DLG2: variants seen among roughly 807,000 people sequenced by gnomAD.
DLG2 encodes the protein discs large MAGUK scaffold protein 2.
Under a neutral mutation model 132.5 loss-of-function variants are expected in DLG2, and 45 were observed. The observed-to-expected ratio is 0.34, with a 90% CI of 0.27 to 0.44. The LOEUF (loss-of-function observed/expected upper bound fraction) is 0.44. Among genes scored for constraint, DLG2 ranks in the 20% least tolerant of loss-of-function variants. DLG2 has a pLI of 1.00. For synonymous variants in DLG2, 424 were observed against 419.6 expected (o/e 1.01, Z -0.13); for missense variants, 1,045 against 1,196.9 (o/e 0.87, Z 1.87).
chr11:85,213,241 T>C (rs2082362868), intron 4 of DLG2, among the ~76,000 whole-genome samples: 1 of 152,176 alleles, frequency 6.6e-6, no homozygotes, highest in African/African-American at 2.4e-5. Flanking sequence ...GAGTGATCAA[T>C]GGCCGCTGAC....
intron 4 of DLG2, among the ~76,000 whole-genome samples, chr11:85,167,267 C>A (rs1566959629): frequency 6.6e-6 from 1 of 152,090 alleles, no homozygotes; most frequent in Non-Finnish European, 1.5e-5. Flanking sequence ...CTGGAGTAAT[C>A]CAATTCTATT....
At chr11:83,889,349 T>A (rs1489466701) in intron 15 of DLG2, among the ~76,000 whole-genome samples, 1 of 151,936 alleles carries the variant, frequency 6.6e-6, no homozygotes, top group East Asian at 1.9e-4. Context: ...AAAAAACACA[T>A]GAAAAAATGC....
chr11:84,196,106 G>A (rs1373039900), intron 8 of DLG2, among the ~76,000 whole-genome samples: 1 of 152,166 alleles, frequency 6.6e-6, no homozygotes, highest in Non-Finnish European at 1.5e-5. Flanking sequence ...TTTATTTCCA[G>A]TAATTTTTAA....
At chr11:84,123,390 C>T (rs2094015330) in intron 9 of DLG2, among the ~76,000 whole-genome samples, 1 of 152,174 alleles carries the variant, frequency 6.6e-6, no homozygotes, top group Non-Finnish European at 1.5e-5. Flanking sequence ...CAAGTCAAAG[C>T]CAAGTCTATG....
intron 3 of DLG2, among the ~76,000 whole-genome samples, chr11:85,542,089 G>A (rs576944329): frequency 2.0e-5 from 3 of 151,866 alleles, no homozygotes; most frequent in East Asian, 1.9e-4. Flanking sequence ...ACCCACATTC[G>A]TGTGCCCACA....
rs1047321442 is a variant in DLG2, at chr11:84,997,956, G to C, written c.357+113705C>G. Among the ~76,000 whole-genome samples, 4 of 152,244 alleles carry C rather than the reference G, an allele frequency of 2.6e-5. No homozygotes were observed. The East Asian group carries it at 7.7e-4, about 29-fold the overall frequency. ...CCAGTTGCTGCTCTACCAGTCATGA[G>C]TTTAAAGACACCTGTGGGTTGGTAC... On this transcript the variant is annotated intron_variant, in intron 6 of 27. Coordinates refer to ENST00000376104, the MANE Select transcript of DLG2 (RefSeq NM_001142699.3).
intron 5 of DLG2, among the ~76,000 whole-genome samples, chr11:85,131,295 TA>T (rs2152408579): frequency 6.6e-6 from 1 of 152,268 alleles, no homozygotes; most frequent in South Asian, 2.1e-4. Flanking sequence ...TAACTTTTGA[TA>T]ACTTATTTTT....
At chr11:84,284,740 T>TACTG (rs2097891029) in intron 7 of DLG2, among the ~76,000 whole-genome samples, 1 of 152,192 alleles carries the variant, frequency 6.6e-6, no homozygotes, top group Non-Finnish European at 1.5e-5. Flanking sequence ...TGGACTTTCT[T>TACTG]GACAGAAGGA....
intron 18 of DLG2, among the ~76,000 whole-genome samples, chr11:83,735,043 G>A (rs1415271064): frequency 6.6e-6 from 1 of 152,044 alleles, no homozygotes; most frequent in Non-Finnish European, 1.5e-5. Flanking sequence ...AAACTGTATT[G>A]ACATAAGTGG....
intron 10 of DLG2, among the ~76,000 whole-genome samples, chr11:84,090,583 C>T (rs181574338): frequency 1.4e-4 from 22 of 152,236 alleles, no homozygotes; most frequent in Admixed American, 3.9e-4. Context: ...CTTGGACATA[C>T]GTGTATGCCA....
intron 6 of DLG2, among the ~76,000 whole-genome samples, chr11:84,896,833 T>A (rs927521150): frequency 1.3e-5 from 2 of 151,922 alleles, no homozygotes; most frequent in African/African-American, 4.8e-5. Flanking sequence ...GCATAATTTA[T>A]AAATTAAACT....
intron 7 of DLG2, among the ~76,000 whole-genome samples, chr11:84,373,022 G>T (rs1375796427): frequency 6.6e-6 from 1 of 151,750 alleles, no homozygotes; most frequent in Non-Finnish European, 1.5e-5. Flanking sequence ...ACTACAGACT[G>T]TACTTGGGTG....
intron 7 of DLG2, among the ~76,000 whole-genome samples, chr11:84,282,656 GA>G (rs895348393): frequency 6.6e-6 from 1 of 151,482 alleles, no homozygotes; most frequent in Non-Finnish European, 1.5e-5. Context: ...GGTTGGGGGA[GA>G]AAAAAAAGCT....
At position 85,123,853 on chromosome 11, in the gene DLG2, T is replaced by C. The variant is rs535256269; in HGVS notation, c.283-12118A>G. 7.8e-4 allele frequency among the ~76,000 whole-genome samples: 119 copies of C among 152,340 alleles called. 3 individuals are homozygous for C. In the South Asian group the frequency reaches 0.023, roughly 30 times the overall value. ...TATTTTCATAGGCTTTTGAATCTGG[T>C]ACTATCTTTGAACGCACAAATGGAA... is the stretch of plus-strand genomic sequence containing the variant. On this transcript the variant is annotated intron_variant, in intron 5 of 27. Coordinates refer to ENST00000376104, the MANE Select transcript of DLG2 (RefSeq NM_001142699.3).
intron 3 of DLG2, among the ~76,000 whole-genome samples, chr11:85,346,030 A>G (rs199602542): frequency 6.6e-6 from 1 of 152,006 alleles, no homozygotes; most frequent in African/African-American, 2.4e-5. Flanking sequence ...AAAAGCAAGT[A>G]TATTAAGAAA....
intron 6 of DLG2, among the ~76,000 whole-genome samples, chr11:84,588,476 T>G (rs182855700): frequency 4.6e-5 from 7 of 152,276 alleles, no homozygotes; most frequent in Non-Finnish European, 8.8e-5. Flanking sequence ...TAGCTATGAT[T>G]TATCCCTTGT....
At chr11:85,545,710 G>A (rs888012332) in intron 3 of DLG2, among the ~76,000 whole-genome samples, 2 of 152,116 alleles carry the variant, frequency 1.3e-5, no homozygotes, top group Non-Finnish European at 2.9e-5. Context: ...TCCTGGTTTA[G>A]TCTTGGGAGG....
intron 7 of DLG2, among the ~76,000 whole-genome samples, chr11:84,438,237 G>A (rs1280073584): frequency 6.6e-6 from 1 of 152,104 alleles, no homozygotes; most frequent in Non-Finnish European, 1.5e-5. Context: ...AACTTACAAG[G>A]TAAACACTTT....
At chr11:83,824,346 C>T (rs971254131) in intron 17 of DLG2, among the ~76,000 whole-genome samples, 1 of 152,044 alleles carries the variant, frequency 6.6e-6, no homozygotes, top group African/African-American at 2.4e-5. Flanking sequence ...TGGAAATAAT[C>T]TATTTATTTG....
Sources: gnomAD v4.1 joint callset for allele counts (sites outside exome capture counted in the v4.1 genomes callset) on GRCh38, gnomAD v4.1.1 for gene constraint, MANE v1.5 for transcripts, NCBI Gene and HGNC (gene_info 2026-07-23, HGNC 2026-07-21) for gene names.